MICAL2: variants seen among roughly 807,000 people sequenced by gnomAD.
MICAL2 encodes [F-actin]-monooxygenase MICAL2.
A neutral mutation model predicts 127.3 loss-of-function variants in MICAL2; 77 were observed. That is an observed-to-expected ratio of 0.60 (90% confidence interval 0.50 to 0.73). MICAL2 has a LOEUF of 0.73. MICAL2 is among the 30% of genes least tolerant of loss of function. MICAL2 has a pLI of 0.00. For missense variants in MICAL2, 1,351 were observed against 1,434.4 expected (o/e 0.94, Z 0.94); for synonymous variants, 570 against 551.1 (o/e 1.03, Z -0.48).
chr11:12,259,785 T>C lies in MICAL2; in HGVS notation c.3232-10T>C. ...ACAGACAAATGCCCTCATTTCCATC[T>C]CTTTCTCAGGAGGAGGCAACATGGC... is the stretch of plus-strand genomic sequence containing the variant. On this transcript the variant is annotated splice_polypyrimidine_tract_variant and intron_variant, in intron 25 of 27. Transcript: ENST00000683283. The C allele has an allele frequency of 1.3e-6, 2 of 1,529,392 alleles. No homozygotes were observed. The highest frequency in any genetic ancestry group is 1.8e-6 in the Non-Finnish European group (2 of 1,137,060). 94.7% of individuals were successfully genotyped at this position (1,529,392 alleles called of 1,614,324 possible). A position where few individuals can be genotyped will look rare whatever the true frequency, so the allele number is the denominator to read the frequency against.
chr11:12,215,293 TG>T (rs1855998137), intron 7 of MICAL2, among the ~76,000 whole-genome samples: 1 of 152,186 alleles, frequency 6.6e-6, no homozygotes, highest in Non-Finnish European at 1.5e-5. Context: ...CTGATTCTCC[TG>T]GGGGCCCTCT....
chr11:12,347,448 A>G (rs1938973163), intron 32 of MICAL2, among the ~76,000 whole-genome samples: 1 of 152,210 alleles, frequency 6.6e-6, no homozygotes, highest in Non-Finnish European at 1.5e-5. Flanking sequence ...TCCAGTACCT[A>G]AGGCAATACC....
chr11:12,298,379 G>T (rs1365440670), intron 29 of MICAL2, among the ~76,000 whole-genome samples: 1 of 152,018 alleles, frequency 6.6e-6, no homozygotes, highest in Non-Finnish European at 1.5e-5. Context: ...TGTTATAAAA[G>T]TTTTTCAATG....
chr11:12,201,893 CA>C (rs1854042916), intron 3 of MICAL2, among the ~76,000 whole-genome samples: 1 of 152,112 alleles, frequency 6.6e-6, no homozygotes, highest in Non-Finnish European at 1.5e-5. Flanking sequence ...CCAAGGCGGG[CA>C]GATCACCTGA....
intron 32 of MICAL2, among the ~76,000 whole-genome samples, chr11:12,344,535 C>A (rs1389070952): frequency 6.8e-6 from 1 of 147,464 alleles, no homozygotes; most frequent in Non-Finnish European, 1.5e-5. Context: ...AGTTTTGCTC[C>A]TGTTGCCCAG....
chr11:12,157,850 C>T (rs1262081045), intron 2 of MICAL2, among the ~76,000 whole-genome samples: 1 of 152,180 alleles, frequency 6.6e-6, no homozygotes, highest in African/African-American at 2.4e-5. Context: ...TCATTCCCAG[C>T]ACTGTCCTGA....
chr11:12,345,070 CCA>C (rs2134889217), intron 32 of MICAL2, among the ~76,000 whole-genome samples: 1 of 150,704 alleles, frequency 6.6e-6, no homozygotes, highest in Admixed American at 6.6e-5. Context: ...CGAGATTGCG[CCA>C]CTGCACTCCA....
intron 3 of MICAL2, among the ~76,000 whole-genome samples, chr11:12,162,748 G>T (rs955409743): frequency 6.6e-6 from 1 of 152,182 alleles, no homozygotes; most frequent in Admixed American, 6.5e-5. Flanking sequence ...CAGCTTCTAG[G>T]TACAAGGTAC....
chr11:12,358,245 G>T (rs10741583), intron 34 of MICAL2: 1 of 1,578,150 alleles, frequency 6.3e-7, no homozygotes, highest in Non-Finnish European at 8.6e-7. Context: ...CAAGAACTCT[G>T]CCGGGGCCCA....
chr11:12,352,113 A>C (rs537362108), intron 33 of MICAL2, among the ~76,000 whole-genome samples: 1 of 152,304 alleles, frequency 6.6e-6, no homozygotes, highest in African/African-American at 2.4e-5. Context: ...AAGTTGATGC[A>C]TATACTGAGA....
chr11:12,329,943 G>A (rs992424984), intron 32 of MICAL2, among the ~76,000 whole-genome samples: 14 of 151,296 alleles, frequency 9.3e-5, no homozygotes, highest in East Asian at 3.9e-4. Flanking sequence ...GTGATGTTTC[G>A]GAGGTGTGCC....
intron 13 of MICAL2, among the ~76,000 whole-genome samples, 167 bp downstream of exon 13, chr11:12,224,987 T>C (rs1421478733): frequency 6.6e-6 from 1 of 152,210 alleles, no homozygotes; most frequent in Non-Finnish European, 1.5e-5. Flanking sequence ...CTGTCAGCAG[T>C]GTGTTTGATC....
chr11:12,292,058 G>A (rs918769642), downstream of MICAL2: 1 of 1,466,246 alleles, frequency 6.8e-7, no homozygotes, highest in African/African-American at 1.4e-5. Flanking sequence ...ACTGTTTATA[G>A]AATTGGAGCT....
chr11:12,258,534 C>T lies in MICAL2; in HGVS notation c.3209C>T (p.Ala1070Val), dbSNP rs1190962899. 1.2e-5 allele frequency: 20 copies of T among 1,613,818 alleles called. No individual in the cohort carries two copies. The highest frequency in any genetic ancestry group is 1.7e-5 in the Admixed American group (1 of 60,010). Residue 1070 changes from alanine to valine, a missense_variant, in exon 25 of 28, where the codon GCA becomes GTA. This residue lies in a region of MICAL2 where 752 missense variants were observed against 719.4 expected (regional missense o/e 1.05). Coordinates refer to ENST00000683283, the MANE Select transcript of MICAL2 (RefSeq NM_001282663.2). ...KTNSKQRKRR[A>V]ELKQQREEEA... is the part of the protein sequence containing the mutation. ...AATAGCAAACAACGGAAGAGACGGG[C>T]AGAGTTGAAGCAACAAAGAGAGGTA...
At position 12,221,660 on chromosome 11, in the gene MICAL2, G is replaced by C. The variant is rs1362956828; in HGVS notation, c.1223G>C (p.Gly408Ala). Reference protein sequence around the residue: ...DSLLEPFWPMGTGCARGFLAA... With the variant: ...DSLLEPFWPMATGCARGFLAA... ...CTTTTGCAGCCATTTTGGCCCATGG[G>C]TACAGGCTGTGCCCGTGGCTTCCTG... is the stretch of plus-strand genomic sequence containing the variant. The change falls in exon 10 of 28, where the codon GGT (glycine) becomes GCT (alanine). Residue 408 changes from glycine (G) to alanine (A), a missense_variant. Gly to Ala is a moderately conservative substitution (Grantham distance 60). Coordinates refer to ENST00000683283, the MANE Select transcript of MICAL2 (RefSeq NM_001282663.2). 1 of 1,613,244 alleles carries C rather than the reference G, an allele frequency of 6.2e-7. No homozygotes were observed. The highest frequency in any genetic ancestry group is 2.2e-5 in the East Asian group (1 of 44,854).
chr11:12,343,424 A>C (rs905185853), intron 32 of MICAL2, among the ~76,000 whole-genome samples: 1 of 148,204 alleles, frequency 6.7e-6, no homozygotes, highest in Admixed American at 6.7e-5. Flanking sequence ...AAAAAAAAAA[A>C]CTGTAGCCAA....
At chr11:12,207,026 G>A (rs1270109326) in intron 4 of MICAL2, among the ~76,000 whole-genome samples, 1 of 152,130 alleles carries the variant, frequency 6.6e-6, no homozygotes, top group African/African-American at 2.4e-5. Context: ...GCAGTCTGCT[G>A]TCTTCCCCAC....
At chr11:12,257,863 T>C (rs1193924898) in intron 24 of MICAL2, among the ~76,000 whole-genome samples, 1 of 152,200 alleles carries the variant, frequency 6.6e-6, no homozygotes, top group Non-Finnish European at 1.5e-5. Context: ...ACAGTGGTCC[T>C]GGGCAGTGGC....
intron 29 of MICAL2, among the ~76,000 whole-genome samples, chr11:12,312,851 C>T (rs1275803671): frequency 6.6e-6 from 1 of 152,058 alleles, no homozygotes. Context: ...GGGGCAGGAT[C>T]GTCTCTGGAA....
Sources: allele counts gnomAD v4.1 joint callset (sites outside exome capture counted in the v4.1 genomes callset), GRCh38; gene constraint gnomAD v4.1.1; regional missense constraint gnomAD v4.1.1; transcripts MANE v1.5; gene names NCBI Gene and HGNC (gene_info 2026-07-23, HGNC 2026-07-21).